Variants in GRID2 observed in about 807,000 individuals in gnomAD.
GRID2 encodes glutamate ionotropic receptor delta type subunit 2.
GRID2 carries 33 observed loss-of-function variants against 114.8 expected under a neutral mutation model. The observed-to-expected ratio is 0.29, with a 90% CI of 0.22 to 0.38. The LOEUF is 0.38. Ranked by LOEUF, GRID2 falls within the 10% of genes least tolerant of loss-of-function variation. The pLI, the probability that GRID2 is intolerant of heterozygous loss-of-function variation, is 1.00. For synonymous variants in GRID2, 505 were observed against 449.9 expected (o/e 1.12, Z -1.55); for missense variants, 1,184 against 1,257.7 (o/e 0.94, Z 0.89).
chr4:93,354,945 G>C (rs1414924525), intron 8 of GRID2, among the ~76,000 whole-genome samples: 1 of 149,258 alleles, frequency 6.7e-6, no homozygotes, highest in Non-Finnish European at 1.5e-5. Context: ...GTGTGAAACT[G>C]AGCTTATTTT....
chr4:93,522,294 A>T (rs1211837869), intron 13 of GRID2, among the ~76,000 whole-genome samples: 1 of 152,194 alleles, frequency 6.6e-6, no homozygotes, highest in Non-Finnish European at 1.5e-5. Context: ...TTGAAGAAAG[A>T]GAAAATAGGA....
intron 2 of GRID2, among the ~76,000 whole-genome samples, chr4:93,078,687 AAATAT>A (rs1157318658): frequency 6.8e-6 from 1 of 147,342 alleles, no homozygotes; most frequent in Non-Finnish European, 1.5e-5. Context: ...TAAATATACT[AAATAT>A]AATTATATTT....
At chr4:92,599,079 G>T (rs142617225) in intron 2 of GRID2, among the ~76,000 whole-genome samples, 10 of 143,492 alleles carry the variant, frequency 7.0e-5, no homozygotes, top group African/African-American at 2.7e-4. Context: ...CTTTCCTTGG[G>T]CTGGTTCTGC....
chr4:93,520,479 GA>G (rs1730224207), intron 13 of GRID2, among the ~76,000 whole-genome samples: 2 of 152,152 alleles, frequency 1.3e-5, no homozygotes. Flanking sequence ...GGAGAGAGGG[GA>G]CAGGAAGTGC....
intron 14 of GRID2, among the ~76,000 whole-genome samples, chr4:93,742,161 G>A (rs1234198071): frequency 1.3e-5 from 2 of 151,794 alleles, no homozygotes; most frequent in Non-Finnish European, 2.9e-5. Context: ...TCCTTAAATT[G>A]CCCCCAAATA....
At position 92,568,498 on chromosome 4, in the gene GRID2, C is replaced by T. The variant is rs143131447; in HGVS notation, c.89-21633C>T. 7.2e-5 allele frequency among the ~76,000 whole-genome samples: 11 copies of T among 151,954 alleles called. No individual in the cohort carries two copies. The East Asian group carries it at 7.8e-4, about 11-fold the overall frequency. On this transcript the variant is annotated intron_variant, in intron 1 of 15. Coordinates refer to ENST00000282020, the MANE Select transcript of GRID2 (RefSeq NM_001510.4). Reference sequence around the variant, plus strand: ...GTTTCTGAATATTTGATTTTGGTGGCGGGAATGAGGAACTCTACTAGTCTG... The same window carrying T: ...GTTTCTGAATATTTGATTTTGGTGGTGGGAATGAGGAACTCTACTAGTCTG...
At chr4:93,561,604 A>G (rs1455094544) in intron 13 of GRID2, among the ~76,000 whole-genome samples, 2 of 152,074 alleles carry the variant, frequency 1.3e-5, no homozygotes, top group African/African-American at 4.8e-5. Context: ...CTGACTTTGG[A>G]CAAATATATG....
intron 8 of GRID2, among the ~76,000 whole-genome samples, chr4:93,240,811 A>G (rs1416681124): frequency 6.6e-6 from 1 of 151,270 alleles, no homozygotes; most frequent in Non-Finnish European, 1.5e-5. Flanking sequence ...TTACTCTTCA[A>G]TACTCTTCAT....
intron 1 of GRID2, among the ~76,000 whole-genome samples, chr4:92,556,286 C>A (rs976092780): frequency 6.6e-6 from 1 of 152,002 alleles, no homozygotes; most frequent in Non-Finnish European, 1.5e-5. Context: ...AAGGTTGATT[C>A]TTCCTTTACC....
intron 1 of GRID2, among the ~76,000 whole-genome samples, chr4:92,535,744 G>C (rs371657577): frequency 6.6e-6 from 1 of 152,256 alleles, no homozygotes; most frequent in African/African-American, 2.4e-5. Context: ...TCTTGGTCTC[G>C]CTAACTTCAA....
At chr4:92,919,104 A>T (rs950097182) in intron 2 of GRID2, among the ~76,000 whole-genome samples, 7 of 152,098 alleles carry the variant, frequency 4.6e-5, no homozygotes, top group Non-Finnish European at 1.0e-4. Context: ...TGAGGAATTT[A>T]TCCATTTTTT....
intron 4 of GRID2, among the ~76,000 whole-genome samples, chr4:93,160,008 C>G (rs920622323): frequency 6.6e-6 from 1 of 151,682 alleles, no homozygotes; most frequent in African/African-American, 2.4e-5. Flanking sequence ...TGTGTTTGAA[C>G]TTAGGTATTC....
chr4:92,394,758 G>C (rs1454954469), intron 1 of GRID2, among the ~76,000 whole-genome samples: 1 of 151,634 alleles, frequency 6.6e-6, no homozygotes, highest in African/African-American at 2.4e-5. Flanking sequence ...ATTTTGATGT[G>C]AAATAATTAC....
intron 2 of GRID2, among the ~76,000 whole-genome samples, chr4:92,746,024 G>T (rs185419013): frequency 4.6e-5 from 7 of 152,212 alleles, no homozygotes; most frequent in Admixed American, 4.6e-4. Flanking sequence ...ACATAAACAT[G>T]AGAGAATAAA....
intron 2 of GRID2, among the ~76,000 whole-genome samples, chr4:92,922,569 G>A (rs1457794301): frequency 6.6e-6 from 1 of 151,890 alleles, no homozygotes; most frequent in Non-Finnish European, 1.5e-5. Context: ...ATTCAAATAT[G>A]GTTTTAATAT....
At chr4:92,383,644 T>C (rs1032398999) in intron 1 of GRID2, among the ~76,000 whole-genome samples, 8 of 151,972 alleles carry the variant, frequency 5.3e-5, no homozygotes, top group African/African-American at 1.7e-4. Flanking sequence ...ATGTATTTGC[T>C]CTGTGTATGT....
intron 1 of GRID2, among the ~76,000 whole-genome samples, chr4:92,363,396 A>G (rs1462029671): frequency 6.6e-6 from 1 of 152,130 alleles, no homozygotes; most frequent in East Asian, 1.9e-4. Flanking sequence ...AACAATAAGA[A>G]CTCTTGAAGG....
At position 93,054,258 on chromosome 4, in the gene GRID2, C is replaced by T. The variant is rs141210534; in HGVS notation, c.245-30737C>T. Among the ~76,000 whole-genome samples the T allele has an allele frequency of 7.5e-4, 114 of 151,246 alleles. No individual in the cohort carries two copies. In the East Asian group the frequency reaches 0.012, roughly 16 times the overall value. On this transcript the variant is annotated intron_variant, in intron 2 of 15. Coordinates refer to ENST00000282020, the MANE Select transcript of GRID2 (RefSeq NM_001510.4). ...ATTTTAATAACTGAATTATAGCATT[C>T]GCAAAAATTAAGATATGTTAAAACA...
At chr4:93,086,993 A>G (rs1181543093) in intron 3 of GRID2, among the ~76,000 whole-genome samples, 3 of 151,486 alleles carry the variant, frequency 2.0e-5, no homozygotes, top group South Asian at 2.1e-4. Flanking sequence ...GGGGAGAACA[A>G]TTTTCAGTTA....
Sources: gnomAD v4.1 joint callset for allele counts (sites outside exome capture counted in the v4.1 genomes callset) on GRCh38, gnomAD v4.1.1 for gene constraint, MANE v1.5 for transcripts, NCBI Gene and HGNC (gene_info 2026-07-23, HGNC 2026-07-21) for gene names.